Variants in GRIN3A observed in about 807,000 individuals in gnomAD.
GRIN3A encodes the protein glutamate receptor ionotropic, NMDA 3A.
Under a neutral mutation model 92.4 loss-of-function variants are expected in GRIN3A, and 47 were observed. That is an observed-to-expected ratio of 0.51 (90% CI 0.40 to 0.65). The LOEUF is 0.65. Among genes scored for constraint, GRIN3A ranks in the 30% least tolerant of loss-of-function variants. The pLI is 0.00. For missense variants in GRIN3A, 1,324 were observed against 1,393.1 expected (o/e 0.95, Z 0.79); for synonymous variants, 527 against 540.6 (o/e 0.97, Z 0.35).
At chr9:101,689,484 C>A (rs1829585387) in intron 1 of GRIN3A, among the ~76,000 whole-genome samples, 2 of 152,056 alleles carry the variant, frequency 1.3e-5, no homozygotes, top group African/African-American at 4.8e-5. Context: ...GAAATGAAGA[C>A]CCCTACAATG....
At chr9:101,647,072 C>T (rs561319166) in intron 3 of GRIN3A, among the ~76,000 whole-genome samples, 39 of 151,812 alleles carry the variant, frequency 2.6e-4, no homozygotes, top group Non-Finnish European at 5.0e-4. Flanking sequence ...TATCTTGTTC[C>T]AGATCTTACA....
rs555014215 is a variant in GRIN3A, at chr9:101,735,129, A to G, written c.699+2152T>C. Among the ~76,000 whole-genome samples the G allele has an allele frequency of 3.3e-5, 5 of 149,878 alleles. No homozygotes were observed. The South Asian group carries it at 1.1e-3, about 32-fold the overall frequency. On this transcript the variant is annotated intron_variant, in intron 1 of 8. Transcript: ENST00000361820. Reference sequence around the variant, plus strand: ...GATCAGAACATTCTTAATACAGAATATTATAGAATGACATTTAAATGAGAT... The same window carrying G: ...GATCAGAACATTCTTAATACAGAATGTTATAGAATGACATTTAAATGAGAT...
At chr9:101,737,142 G>T in intron 1 of GRIN3A, 139 bp downstream of exon 1, 1 of 721,852 alleles carries the variant, frequency 1.4e-6, no homozygotes. Flanking sequence ...CTACGAACAT[G>T]GCCCAATCGT....
At chr9:101,578,399 G>A (rs1827852500) in intron 7 of GRIN3A, among the ~76,000 whole-genome samples, 1 of 152,062 alleles carries the variant, frequency 6.6e-6, no homozygotes, top group Non-Finnish European at 1.5e-5. Context: ...TTTAGTATGA[G>A]GGTATATGAA....
chr9:101,660,698 G>T (rs1829161231), intron 3 of GRIN3A, among the ~76,000 whole-genome samples: 1 of 151,648 alleles, frequency 6.6e-6, no homozygotes, highest in South Asian at 2.1e-4. Flanking sequence ...AATATGTAAT[G>T]GAATCAGACA....
chr9:101,679,482 T>C (rs565063813), intron 2 of GRIN3A, among the ~76,000 whole-genome samples: 21 of 152,204 alleles, frequency 1.4e-4, no homozygotes, highest in South Asian at 8.3e-4. Flanking sequence ...CGCCCCGCAG[T>C]GACTTAGGGA....
intron 3 of GRIN3A, among the ~76,000 whole-genome samples, chr9:101,629,059 C>T (rs936965733): frequency 6.6e-6 from 1 of 151,866 alleles, no homozygotes; most frequent in African/African-American, 2.4e-5. Context: ...AGTTTTGACA[C>T]ACAGTAAAGG....
rs1020176361 is a variant in GRIN3A at position 101,700,207 on chromosome 9, G to A, written c.700-13007C>T. ...TCCAGAAAATGACAGACTCACAGAA[G>A]AGATTTGCTGATTGAATGAATAAAT... On this transcript the variant is annotated intron_variant, in intron 1 of 8. Transcript: ENST00000361820. Among the ~76,000 whole-genome samples the A allele has an allele frequency of 2.6e-5, 4 of 152,290 alleles. No individual in the cohort carries two copies. In the South Asian group the frequency reaches 8.3e-4, roughly 32 times the overall value.
intron 1 of GRIN3A, among the ~76,000 whole-genome samples, chr9:101,691,710 C>T (rs1164333094): frequency 2.0e-5 from 3 of 152,168 alleles, no homozygotes; most frequent in Non-Finnish European, 4.4e-5. Flanking sequence ...GCAGGTTCTA[C>T]AGTGTCCTTA....
intron 2 of GRIN3A, among the ~76,000 whole-genome samples, chr9:101,676,975 C>T (rs1829405934): frequency 6.7e-6 from 1 of 150,306 alleles, no homozygotes; most frequent in Admixed American, 6.6e-5. Context: ...CTCACATTCT[C>T]CAGAGTTCTA....
chr9:101,652,372 A>C (rs181621133), intron 3 of GRIN3A, among the ~76,000 whole-genome samples: 1 of 152,116 alleles, frequency 6.6e-6, no homozygotes, highest in African/African-American at 2.4e-5. Context: ...GGCAGTTCTC[A>C]TGTGGTGGTT....
At chr9:101,628,801 A>G (rs571809502) in intron 3 of GRIN3A, among the ~76,000 whole-genome samples, 54 of 152,214 alleles carry the variant, frequency 3.5e-4, no homozygotes, top group African/African-American at 1.2e-3. Flanking sequence ...TTAAAACCTT[A>G]CATCCTGAGA....
At chr9:101,629,929 G>T (rs535353002) in intron 3 of GRIN3A, among the ~76,000 whole-genome samples, 34 of 152,260 alleles carry the variant, frequency 2.2e-4, no homozygotes, top group Admixed American at 3.9e-4. Flanking sequence ...ACATCATCTT[G>T]CATTCTAGCT....
chr9:101,700,360 G>A (rs1375706201), intron 1 of GRIN3A, among the ~76,000 whole-genome samples: 2 of 152,174 alleles, frequency 1.3e-5, no homozygotes, highest in Non-Finnish European at 2.9e-5. Flanking sequence ...AGAGGCAAGA[G>A]TAATTATGAT....
rs147426887 is a variant in GRIN3A, at chr9:101,632,348, T to C, written c.2353-3947A>G. Among the ~76,000 whole-genome samples the C allele has an allele frequency of 9.5e-3, 1,451 of 152,314 alleles. 13 individuals carry two copies. The highest frequency in any genetic ancestry group is 0.016 in the Non-Finnish European group (1,070 of 68,026). ...TTCCCTGCTAGATTGTAAGTTTCCATGAGGATGGTGCCCATAGTGATCTCA... is the reference window on the plus strand; with the variant it reads ...TTCCCTGCTAGATTGTAAGTTTCCACGAGGATGGTGCCCATAGTGATCTCA... On this transcript the variant is annotated intron_variant, in intron 3 of 8. Transcript: ENST00000361820.
intron 2 of GRIN3A, among the ~76,000 whole-genome samples, chr9:101,674,609 A>AT (rs1418809547): frequency 3.3e-5 from 5 of 152,122 alleles, no homozygotes; most frequent in Non-Finnish European, 7.4e-5. Flanking sequence ...AACTCAATGT[A>AT]AGCCCATATA....
rs1367940590 is a variant in GRIN3A at position 101,610,621 on chromosome 9, CTATCATCT to C, written c.2766+2747_2766+2754del. On this transcript the variant is annotated intron_variant, in intron 6 of 8. Coordinates refer to ENST00000361820, the MANE Select transcript of GRIN3A (RefSeq NM_133445.3). ...TCTATCTATCTATCTATCTATCTATCTATCATCTATCTATCTACATTTTTATCCTTATC... is the reference window on the plus strand; with the variant it reads ...TCTATCTATCTATCTATCTATCTATCATCTATCTACATTTTTATCCTTATC... 2.6e-5 allele frequency among the ~76,000 whole-genome samples: 4 copies of C among 151,752 alleles called. No homozygotes were observed. The South Asian group carries it at 6.3e-4, about 24-fold the overall frequency.
At chr9:101,698,916 C>T (rs564379879) in intron 1 of GRIN3A, among the ~76,000 whole-genome samples, 9 of 152,220 alleles carry the variant, frequency 5.9e-5, no homozygotes, top group African/African-American at 1.7e-4. Flanking sequence ...GATCTGCCCA[C>T]GTTGGTCTCC....
chr9:101,673,525 A>G (rs935225795), intron 2 of GRIN3A, among the ~76,000 whole-genome samples: 6 of 152,294 alleles, frequency 3.9e-5, no homozygotes, highest in African/African-American at 9.6e-5. Context: ...TAGTCTTACG[A>G]TAAGGGTGAA....
Sources: gnomAD v4.1 joint callset for allele counts (sites outside exome capture counted in the v4.1 genomes callset) on GRCh38, gnomAD v4.1.1 for gene constraint, MANE v1.5 for transcripts, NCBI Gene and HGNC (gene_info 2026-07-23, HGNC 2026-07-21) for gene names.